SLC30A7: variants seen among roughly 807,000 people sequenced by gnomAD.
SLC30A7 encodes zinc transporter 7.
Under a neutral mutation model 46.0 loss-of-function variants are expected in SLC30A7, and 35 were observed. That is an observed-to-expected ratio of 0.76 (90% CI 0.58 to 1.01). The LOEUF is 1.01. SLC30A7 is among the 50% of genes least tolerant of loss of function. The pLI, the probability that SLC30A7 is intolerant of heterozygous loss-of-function variation, is 0.00. For synonymous variants in SLC30A7, 147 were observed against 157.8 expected (o/e 0.93, Z 0.51); for missense variants, 464 against 451.1 (o/e 1.03, Z -0.26).
At chr1:100,968,051 A>T (rs1050271237) in intron 10 of SLC30A7, among the ~76,000 whole-genome samples, 2 of 152,222 alleles carry the variant, frequency 1.3e-5, no homozygotes, top group African/African-American at 4.8e-5. Flanking sequence ...AATAAAAAAA[A>T]TTACATATAA....
intron 2 of SLC30A7, among the ~76,000 whole-genome samples, chr1:100,898,129 A>G (rs962288878): frequency 6.6e-5 from 10 of 152,180 alleles, no homozygotes; most frequent in African/African-American, 2.2e-4. Flanking sequence ...TAGCTTGTAT[A>G]TGCATATTTT....
chr1:100,901,190 T>C (rs1651286830), intron 2 of SLC30A7, among the ~76,000 whole-genome samples: 1 of 151,770 alleles, frequency 6.6e-6, no homozygotes, highest in Admixed American at 6.6e-5. Flanking sequence ...TATTCAGGAG[T>C]CCCTCATTGT....
intron 8 of SLC30A7, among the ~76,000 whole-genome samples, chr1:100,926,583 A>G (rs1373831377): frequency 6.6e-6 from 1 of 152,218 alleles, no homozygotes; most frequent in Non-Finnish European, 1.5e-5. Context: ...ATTCAGCATG[A>G]GTTTTGGGCA....
At chr1:100,968,797 C>T (rs1656000030) in intron 10 of SLC30A7, among the ~76,000 whole-genome samples, 1 of 152,198 alleles carries the variant, frequency 6.6e-6, no homozygotes, top group Non-Finnish European at 1.5e-5. Context: ...TACCAGCTGT[C>T]ATGATTTTGC....
intron 2 of SLC30A7, among the ~76,000 whole-genome samples, chr1:100,905,375 G>A (rs192490050): frequency 2.0e-3 from 311 of 151,954 alleles, no homozygotes; most frequent in Middle Eastern, 0.02. Flanking sequence ...GGTTTGTGAC[G>A]TGTGGAGGGT....
the SLC30A7 span, among the ~76,000 whole-genome samples, chr1:100,994,595 C>T: frequency 6.6e-6 from 1 of 151,330 alleles, no homozygotes. Context: ...GGCGTGATCT[C>T]AGCTCACTGC....
At chr1:100,948,723 T>G (rs1445082115) in intron 8 of SLC30A7, among the ~76,000 whole-genome samples, 3 of 152,234 alleles carry the variant, frequency 2.0e-5, no homozygotes. Flanking sequence ...CCTGTATTTC[T>G]TGGAGGCTTT....
chr1:100,961,618 T>G (rs941100015), intron 8 of SLC30A7, among the ~76,000 whole-genome samples: 2 of 152,234 alleles, frequency 1.3e-5, no homozygotes, highest in African/African-American at 4.8e-5. Flanking sequence ...TTTCATACAT[T>G]AATACATTTT....
rs1346883777 is a variant in SLC30A7 at position 100,915,244 on chromosome 1, T to TCTTTCTTTCTTC, written c.655+1450_655+1461dup. ...TTCTTTCTTTCTTTCTTTCTTTCTTTCTTTCTTTCTTCCTTTCTTTCTTTC... is the reference window on the plus strand; with the variant it reads ...TTCTTTCTTTCTTTCTTTCTTTCTTTCTTTCTTTCTTCCTTTCTTTCTTCCTTTCTTTCTTTC... On this transcript the variant is annotated intron_variant, in intron 6 of 10. Transcript: ENST00000357650. Among the ~76,000 whole-genome samples, 5 of 139,770 alleles carry TCTTTCTTTCTTC rather than the reference T, an allele frequency of 3.6e-5. No individual in the cohort carries two copies. In the South Asian group the frequency reaches 1.1e-3, roughly 31 times the overall value. The allele number at this position is 139,770 out of a possible 152,430, so 91.7% of individuals were successfully genotyped here.
intron 2 of SLC30A7, among the ~76,000 whole-genome samples, chr1:100,903,731 T>G (rs907939597): frequency 1.2e-4 from 19 of 152,188 alleles, no homozygotes; most frequent in African/African-American, 4.6e-4. Context: ...TTATTGTGCT[T>G]TTTCTTGTTG....
Position 100,978,941 on chromosome 1 carries a change from A to G in SLC30A7, c.*4084A>G, listed in dbSNP as rs568723876. On this transcript the variant is annotated 3_prime_UTR_variant, in exon 11 of 11. Transcript: ENST00000357650. ...GCTAAATCCAATTTAAGGATTGCTT[A>G]GTTTCTTTATTTTGTTTATGGTCTC... is the stretch of plus-strand genomic sequence containing the variant. 155 of 152,276 alleles carry G rather than the reference A, an allele frequency of 1.0e-3. No homozygotes were observed. Among genetic ancestry groups the G allele is most frequent in the African/African-American group, 3.5e-3 (146 of 41,548 alleles). 9.4% of individuals were successfully genotyped at this position (152,276 alleles called of 1,614,324 possible).
intron 2 of SLC30A7, among the ~76,000 whole-genome samples, chr1:100,897,412 G>A (rs935945086): frequency 1.9e-4 from 29 of 152,008 alleles, no homozygotes; most frequent in African/African-American, 6.8e-4. Context: ...TAACAAGACT[G>A]TCACACTCCT....
intron 6 of SLC30A7, among the ~76,000 whole-genome samples, chr1:100,915,171 C>G (rs1428044068): frequency 7.1e-6 from 1 of 141,748 alleles, no homozygotes; most frequent in African/African-American, 2.6e-5. Flanking sequence ...CACTTCTTTT[C>G]TTTTTTCTTT....
At chr1:100,957,120 G>A (rs1202901012) in intron 8 of SLC30A7, among the ~76,000 whole-genome samples, 3 of 152,218 alleles carry the variant, frequency 2.0e-5, no homozygotes, top group East Asian at 1.9e-4. Context: ...GGAGTCTAAC[G>A]ACCTGATCTG....
chr1:100,909,831 A>G (rs748902533), intron 3 of SLC30A7, among the ~76,000 whole-genome samples: 1 of 152,108 alleles, frequency 6.6e-6, no homozygotes, highest in Non-Finnish European at 1.5e-5. Context: ...AGCATTAGTT[A>G]TGGGACTACA....
intron 8 of SLC30A7, among the ~76,000 whole-genome samples, chr1:100,952,861 G>C (rs536861052): frequency 6.6e-6 from 1 of 152,192 alleles, no homozygotes; most frequent in Non-Finnish European, 1.5e-5. Flanking sequence ...ATATTGTGAG[G>C]AAATGATAGG....
rs182843883 is a variant in SLC30A7 at position 100,911,637 on chromosome 1, G to A, written c.385-475G>A. ...GCGATCTCGGCTTACTGCAACTTGC[G>A]CCTCCTGGTGTAAGCGATTCTCCTT... On this transcript the variant is annotated intron_variant, in intron 4 of 10. Transcript: ENST00000357650. 5.5e-3 allele frequency among the ~76,000 whole-genome samples: 839 copies of A among 152,114 alleles called. 2 individuals carry two copies. The highest frequency in any genetic ancestry group is 0.02 in the African/African-American group (813 of 41,500).
At chr1:100,922,644 T>G (rs546159454) in intron 8 of SLC30A7, among the ~76,000 whole-genome samples, 1 of 152,222 alleles carries the variant, frequency 6.6e-6, no homozygotes, top group Admixed American at 6.5e-5. Context: ...AGCATCTGCC[T>G]CGTAGCTCTT....
At chr1:100,898,548 C>G (rs1651115554) in intron 2 of SLC30A7, among the ~76,000 whole-genome samples, 2 of 152,138 alleles carry the variant, frequency 1.3e-5, no homozygotes, top group South Asian at 4.1e-4. Context: ...TAGCACGTAT[C>G]CGTCATCTCA....
Sources: allele counts gnomAD v4.1 joint callset (sites outside exome capture counted in the v4.1 genomes callset), GRCh38; gene constraint gnomAD v4.1.1; transcripts MANE v1.5; gene names NCBI Gene and HGNC (gene_info 2026-07-23, HGNC 2026-07-21).